The following HCN1 variants were observed in gnomAD, a reference collection of about 807,000 sequenced individuals.
HCN1 encodes hyperpolarization activated cyclic nucleotide gated potassium channel 1.
A neutral mutation model predicts 78.9 loss-of-function variants in HCN1; 13 were observed. The observed-to-expected ratio is 0.16, with a 90% CI of 0.11 to 0.26. The LOEUF is 0.26. Among genes scored for constraint, HCN1 ranks in the 10% least tolerant of loss-of-function variants. The probability of loss-of-function intolerance (pLI) is 1.00; values close to 1 mark genes in which losing one functional copy is unlikely to be tolerated. For synonymous variants in HCN1, 552 were observed against 455.5 expected (o/e 1.21, Z -2.70); for missense variants, 810 against 1,154.3 (o/e 0.70, Z 4.32).
chr5:45,350,951 C>A (rs1190194163), intron 5 of HCN1, among the ~76,000 whole-genome samples: 8 of 152,030 alleles, frequency 5.3e-5, no homozygotes. Flanking sequence ...CCATACTGCC[C>A]AAGGTAATTT....
At chr5:45,319,448 A>AT (rs150270004) in intron 5 of HCN1, among the ~76,000 whole-genome samples, 1 of 151,704 alleles carries the variant, frequency 6.6e-6, no homozygotes, top group Admixed American at 6.6e-5. Flanking sequence ...TTTAATATGC[A>AT]TTTTCCCATG....
chr5:45,532,549 TTAAG>T (rs528830901), intron 2 of HCN1, among the ~76,000 whole-genome samples: 39 of 152,304 alleles, frequency 2.6e-4, no homozygotes, highest in South Asian at 1.0e-3. Flanking sequence ...ATGGCTTTAA[TTAAG>T]TGTGTTCATT....
intron 2 of HCN1, among the ~76,000 whole-genome samples, chr5:45,566,763 T>A (rs949805357): frequency 9.2e-5 from 14 of 152,198 alleles, no homozygotes; most frequent in African/African-American, 3.1e-4. Context: ...GATTAGCCCT[T>A]CTGCACTCTG....
chr5:45,601,898 G>T (rs1428787830), intron 2 of HCN1, among the ~76,000 whole-genome samples: 3 of 152,054 alleles, frequency 2.0e-5, no homozygotes, highest in Admixed American at 2.0e-4. Context: ...ATCTCATCTT[G>T]AATTTTAGCT....
chr5:45,574,393 G>T (rs899945867), intron 2 of HCN1, among the ~76,000 whole-genome samples: 25 of 152,140 alleles, frequency 1.6e-4, no homozygotes, highest in African/African-American at 5.8e-4. Context: ...TAATGTAACT[G>T]CTTTGGGGTG....
chr5:45,570,562 G>T (rs753048030), intron 2 of HCN1, among the ~76,000 whole-genome samples: 3 of 152,078 alleles, frequency 2.0e-5, no homozygotes, highest in Non-Finnish European at 4.4e-5. Flanking sequence ...AGAATCGGGA[G>T]CTAAATATCT....
At chr5:45,610,346 G>A (rs927491401) in intron 2 of HCN1, among the ~76,000 whole-genome samples, 1 of 151,886 alleles carries the variant, frequency 6.6e-6, no homozygotes, top group African/African-American at 2.4e-5. Context: ...AAATACAACT[G>A]TGGATACAGA....
chr5:45,283,659 G>A (rs1337766432), intron 6 of HCN1, among the ~76,000 whole-genome samples: 3 of 152,154 alleles, frequency 2.0e-5, no homozygotes, highest in South Asian at 4.1e-4. Flanking sequence ...AGGTGAGGTT[G>A]CAGAGAAAAG....
At chr5:45,609,026 C>T (rs1744780860) in intron 2 of HCN1, among the ~76,000 whole-genome samples, 1 of 151,928 alleles carries the variant, frequency 6.6e-6, no homozygotes, top group Non-Finnish European at 1.5e-5. Flanking sequence ...AAACCAAAAC[C>T]TGATACTATT....
chr5:45,680,106 T>A (rs942397519), intron 1 of HCN1, among the ~76,000 whole-genome samples: 3 of 152,110 alleles, frequency 2.0e-5, no homozygotes, highest in Admixed American at 6.6e-5. Context: ...GGAATATATA[T>A]CAGTTTTATT....
Position 45,495,497 on chromosome 5 carries a change from T to G in HCN1, c.850-33490A>C, listed in dbSNP as rs1175928827. On this transcript the variant is annotated intron_variant, in intron 2 of 7. Transcript: ENST00000303230. Reference sequence around the variant, plus strand: ...GTTGCTTATCAGCTTAAGGAGATTTTGGGCTGAGACAATGGGGTTTTCTAG... The same window carrying G: ...GTTGCTTATCAGCTTAAGGAGATTTGGGGCTGAGACAATGGGGTTTTCTAG... Among the ~76,000 whole-genome samples, 6 of 151,854 alleles carry G rather than the reference T, an allele frequency of 4.0e-5. No homozygotes were observed. The East Asian group carries it at 9.6e-4, about 24-fold the overall frequency.
Position 45,396,630 on chromosome 5 carries a change from T to C in HCN1, c.1092A>G (p.Gln364=). ...SHMLCIGYGA[Q]APVSMSDLWI... is the part of the protein sequence containing the mutation. ...AGAGGTCAGACATGCTGACTGGGGC[T>C]TGGGCTCCATACCCAATGCACAGCA... The change falls in exon 4 of 8, where the codon CAA becomes CAG. Residue 364 remains glutamine, a synonymous_variant. Transcript: ENST00000303230. The C allele has an allele frequency of 6.2e-7, 1 of 1,613,872 alleles. No individual in the cohort carries two copies. The highest frequency in any genetic ancestry group is 8.5e-7 in the Non-Finnish European group (1 of 1,179,848).
chr5:45,630,254 G>A (rs906574891), intron 2 of HCN1, among the ~76,000 whole-genome samples: 3 of 152,164 alleles, frequency 2.0e-5, no homozygotes, highest in Non-Finnish European at 4.4e-5. Flanking sequence ...TTTAAGCAGA[G>A]AGGGAGCAAG....
rs1488779105 is a variant in HCN1 at position 45,376,025 on chromosome 5, C to G, written c.1230+20467G>C. 3.6e-5 allele frequency among the ~76,000 whole-genome samples: 4 copies of G among 110,302 alleles called. 1 individual carries two copies. The South Asian group carries it at 7.9e-4, about 22-fold the overall frequency. The allele number at this position is 110,302 out of a possible 152,430, so 72.4% of individuals were successfully genotyped here. A position where few individuals can be genotyped will look rare whatever the true frequency, so the allele number is the denominator to read the frequency against. On this transcript the variant is annotated intron_variant, in intron 4 of 7. Transcript: ENST00000303230. ...TTTATAATATTTTATCATATACAAT[C>G]TATAATATAATATTTTATAATATAT...
intron 4 of HCN1, among the ~76,000 whole-genome samples, chr5:45,380,026 GA>G (rs1384271674): frequency 6.6e-6 from 1 of 152,046 alleles, no homozygotes; most frequent in African/African-American, 2.4e-5. Context: ...CAAGTTTGAA[GA>G]GTTAGGATCC....
At chr5:45,374,152 A>AATATACATTATATACATAATATATATT (rs1747532412) in intron 4 of HCN1, among the ~76,000 whole-genome samples, 1 of 119,506 alleles carries the variant, frequency 8.4e-6, no homozygotes, top group Non-Finnish European at 1.6e-5. Flanking sequence ...TATTATATAT[A>AATATACATTATATACATAATATATATT]ATATACATTA....
intron 2 of HCN1, among the ~76,000 whole-genome samples, chr5:45,605,811 T>G (rs1365710658): frequency 4.6e-5 from 7 of 151,840 alleles, no homozygotes; most frequent in African/African-American, 1.2e-4. Flanking sequence ...TTAAAAATGA[T>G]TACAAATTAA....
Position 45,486,323 on chromosome 5 carries a change from T to G in HCN1, c.850-24316A>C. ...TATCCACTGTCAAAGCCTCAAAGGT[T>G]GTGGAAATTAGGTAACTTGTCAAAT... On this transcript the variant is annotated intron_variant, in intron 2 of 7. Coordinates refer to ENST00000303230, the MANE Select transcript of HCN1 (RefSeq NM_021072.4). Among the ~76,000 whole-genome samples, 2 of 152,146 alleles carry G rather than the reference T, an allele frequency of 1.3e-5. 1 individual carries two copies. The highest frequency in any genetic ancestry group is 6.3e-3 in the Middle Eastern group (2 of 316).
At position 45,408,567 on chromosome 5, in the gene HCN1, C is replaced by T. The variant is rs145476662; in HGVS notation, c.1012-11857G>A. Among the ~76,000 whole-genome samples, 44 of 152,194 alleles carry T rather than the reference C, an allele frequency of 2.9e-4. 1 individual carries two copies. In the East Asian group the frequency reaches 7.0e-3, roughly 24 times the overall value. On this transcript the variant is annotated intron_variant, in intron 3 of 7. Transcript: ENST00000303230. ...GTAAGTACCATCTATGATGTTTTCA[C>T]AATGATAATATTGCCTAAGGATATA... is the stretch of plus-strand genomic sequence containing the variant.
Sources: allele counts gnomAD v4.1 joint callset (sites outside exome capture counted in the v4.1 genomes callset), GRCh38; gene constraint gnomAD v4.1.1; transcripts MANE v1.5; gene names NCBI Gene and HGNC (gene_info 2026-07-23, HGNC 2026-07-21).